Variants in UNC80 observed in about 807,000 individuals in gnomAD.
UNC80 encodes unc-80 subunit of NALCN channel complex.
A neutral mutation model predicts 384.6 loss-of-function variants in UNC80; 164 were observed. The ratio of observed to expected loss-of-function variants is 0.43; its 90% CI spans 0.38 to 0.49. UNC80 has a LOEUF of 0.49. Among genes scored for constraint, UNC80 ranks in the 20% least tolerant of loss-of-function variants. The probability of loss-of-function intolerance (pLI) is 0.00; values close to 1 mark genes in which losing one functional copy is unlikely to be tolerated. For synonymous variants in UNC80, 1,486 were observed against 1,527.8 expected, an observed-to-expected ratio of 0.97 and a Z score of 0.64; for missense variants, 3,330 against 4,143.0, an observed-to-expected ratio of 0.80 and a Z score of 5.39.
chr2:209,857,062 T>C (rs2082989224), intron 22 of UNC80, among the ~76,000 whole-genome samples: 1 of 152,070 alleles, frequency 6.6e-6, no homozygotes, highest in Non-Finnish European at 1.5e-5. Flanking sequence ...AGTGCTGGGA[T>C]TACAGGTGTA....
intron 18 of UNC80, among the ~76,000 whole-genome samples, chr2:209,837,306 A>G (rs896991272): frequency 6.6e-6 from 1 of 152,200 alleles, no homozygotes; most frequent in Admixed American, 6.5e-5. Flanking sequence ...TATTTTCTCT[A>G]CCTTGTACTT....
intron 33 of UNC80, among the ~76,000 whole-genome samples, chr2:209,921,042 G>A (rs2089998955): frequency 6.6e-6 from 1 of 152,142 alleles, no homozygotes; most frequent in African/African-American, 2.4e-5. Flanking sequence ...TGCTCAGGCT[G>A]GTCTCGAACT....
intron 7 of UNC80, among the ~76,000 whole-genome samples, chr2:209,801,864 C>T (rs529853336): frequency 6.6e-6 from 1 of 152,114 alleles, no homozygotes; most frequent in African/African-American, 2.4e-5. Flanking sequence ...CAAAATACTA[C>T]TATCTTGCGC....
intron 47 of UNC80, among the ~76,000 whole-genome samples, chr2:209,950,335 T>A (rs188349372): frequency 4.2e-4 from 64 of 151,006 alleles, no homozygotes; most frequent in African/African-American, 1.2e-3. Flanking sequence ...ATGCTTTTTT[T>A]AAAAAAAAAA....
chr2:209,778,832 G>A (rs2077007285), intron 4 of UNC80, among the ~76,000 whole-genome samples: 1 of 152,226 alleles, frequency 6.6e-6, no homozygotes, highest in South Asian at 2.1e-4. Flanking sequence ...GATCAAGTTA[G>A]CAGTGGTTCA....
At chr2:209,970,772 A>G (rs1211186269) in intron 53 of UNC80, 60 bp from the exon 54 acceptor site, 18 of 1,520,222 alleles carry the variant, frequency 1.2e-5, no homozygotes, top group Non-Finnish European at 1.6e-5. Flanking sequence ...AGACTCCTTT[A>G]CTACGGTTGC....
chr2:209,888,276 G>A lies in UNC80; in HGVS notation c.4276+16G>A, dbSNP rs1170532986. Reference sequence around the variant, plus strand: ...GAGAAGAAAGGTATGGAAACACAAAGGTTCCTTCATGTTTCAGGGTTTCTT... The same window carrying A: ...GAGAAGAAAGGTATGGAAACACAAAAGTTCCTTCATGTTTCAGGGTTTCTT... On this transcript the variant is annotated intron_variant, in intron 26 of 64. Transcript: ENST00000673920. 1.3e-6 allele frequency: 2 copies of A among 1,550,870 alleles called. No homozygotes were observed. Among genetic ancestry groups the A allele is most frequent in the African/African-American group, 2.7e-5 (2 of 72,984 alleles).
At chr2:209,774,201 C>T (rs1359825438) in intron 2 of UNC80, among the ~76,000 whole-genome samples, 3 of 152,334 alleles carry the variant, frequency 2.0e-5, no homozygotes, top group Admixed American at 6.5e-5. Flanking sequence ...CATGCCCACT[C>T]ACGTAGGAAT....
At position 209,793,743 on chromosome 2, in the gene UNC80, A is replaced by T; in HGVS notation, c.822A>T (p.Thr274=). The stretch of plus-strand genomic sequence containing the variant: ...AGGGACTCCAGGTGGTTTGTGAAAC[A>T]TTCCAGTCTGATTCCATCTCACCCA... The part of the protein sequence containing the change: ...HLEGLQVVCE[T]FQSDSISPKA... The change falls in exon 7 of 65, where the codon ACA becomes ACT. Residue 274 remains threonine, a synonymous_variant. Coordinates refer to ENST00000673920, the MANE Select transcript of UNC80 (RefSeq NM_001371986.1). 3.1e-6 allele frequency: 5 copies of T among 1,614,106 alleles called. No homozygotes were observed. The highest frequency in any genetic ancestry group is 4.2e-6 in the Non-Finnish European group (5 of 1,179,960).
chr2:209,871,313 T>C (rs12328866), intron 22 of UNC80, among the ~76,000 whole-genome samples: 26,867 of 152,100 alleles, frequency 0.18, 3,327 homozygotes, highest in African/African-American at 0.35. Context: ...GGGTTGAATT[T>C]TATGTTCCTA....
chr2:209,839,148 G>A lies in UNC80; in HGVS notation c.3042-74G>A. The A allele has an allele frequency of 7.4e-7, 1 of 1,349,878 alleles. No individual in the cohort carries two copies. The highest frequency in any genetic ancestry group is 1.4e-5 in the African/African-American group (1 of 69,070). The allele number at this position is 1,349,878 out of a possible 1,614,324, so 83.6% of individuals were successfully genotyped here. On this transcript the variant is annotated intron_variant, in intron 18 of 64. Coordinates refer to ENST00000673920, the MANE Select transcript of UNC80 (RefSeq NM_001371986.1). This position sits in a 1 kb window ranked among gnomAD's most constrained non-coding sequence, Gnocchi z 4.1. Reference sequence around the variant, plus strand: ...ATGATTTGCCTAAATATCATTGACAGGAAGATGAAAGAAATTTAGGAGAAT... The same window carrying A: ...ATGATTTGCCTAAATATCATTGACAAGAAGATGAAAGAAATTTAGGAGAAT...
chr2:209,903,756 T>C (rs1340497388), intron 28 of UNC80, among the ~76,000 whole-genome samples: 1 of 148,864 alleles, frequency 6.7e-6, no homozygotes, highest in Non-Finnish European at 1.5e-5. Context: ...ACAATACACA[T>C]TTATTAGCTT....
intron 7 of UNC80, among the ~76,000 whole-genome samples, chr2:209,812,893 T>C (rs865788803): frequency 6.6e-6 from 1 of 152,188 alleles, no homozygotes; most frequent in African/African-American, 2.4e-5. Flanking sequence ...TGTGTTCAAA[T>C]TGAATAATAG....
chr2:209,835,803 CAG>C lies in UNC80; in HGVS notation c.3041+794_3041+795del, dbSNP rs574585819. ...TATTATGGTATCCTTTCTTCACAGTCAGGGAAATCAAAGTGAGAAGCACACAG... is the reference window on the plus strand; with the variant it reads ...TATTATGGTATCCTTTCTTCACAGTCGGAAATCAAAGTGAGAAGCACACAG... On this transcript the variant is annotated intron_variant, in intron 18 of 64. Coordinates refer to ENST00000673920, the MANE Select transcript of UNC80 (RefSeq NM_001371986.1). Among the ~76,000 whole-genome samples, 6 of 152,294 alleles carry C rather than the reference CAG, an allele frequency of 3.9e-5. No homozygotes were observed. In the South Asian group the frequency reaches 1.0e-3, roughly 26 times the overall value.
In UNC80 at chr2:209,939,511, T is replaced by G. The variant is rs374686433; in HGVS notation, c.6505T>G (p.Phe2169Val). ...GCTGGAAGAAGTAGGGCGGGTGTTGTTTCTCATCTCCCTAACCCAGAAGAT... is the reference window on the plus strand; with the variant it reads ...GCTGGAAGAAGTAGGGCGGGTGTTGGTTCTCATCTCCCTAACCCAGAAGAT... Reference protein sequence around the residue: ...RKLEEVGRVLFLISLTQKIPT... With the variant: ...RKLEEVGRVLVLISLTQKIPT... The change falls in exon 43 of 65, where the codon TTT becomes GTT. Residue 2169 changes from phenylalanine (F) to valine (V), a missense_variant. Transcript: ENST00000673920. The G allele has an allele frequency of 6.4e-7, 1 of 1,551,448 alleles. No individual in the cohort carries two copies. Among genetic ancestry groups the G allele is most frequent in the Non-Finnish European group, 8.7e-7 (1 of 1,146,818 alleles).
intron 47 of UNC80, among the ~76,000 whole-genome samples, chr2:209,952,743 T>C (rs1482385819): frequency 6.6e-6 from 1 of 152,194 alleles, no homozygotes; most frequent in Non-Finnish European, 1.5e-5. Flanking sequence ...TTTAAAAATT[T>C]TGTCCACCCT....
chr2:209,777,410 C>G lies in UNC80; in HGVS notation c.451C>G (p.Gln151Glu). 6.2e-7 allele frequency: 1 copy of G among 1,614,198 alleles called. No individual in the cohort carries two copies. Among genetic ancestry groups the G allele is most frequent in the Non-Finnish European group, 8.5e-7 (1 of 1,180,032 alleles). ...WGGSSSAFIH[Q>E]VENQGSPGQP... The stretch of plus-strand genomic sequence containing the variant: ...TGGAAGCAGCAGTGCTTTCATCCAC[C>G]AGGTTGAAAACCAGGGTTCTCCAGG... Residue 151 changes from glutamine (Q) to glutamate (E), a missense_variant, in exon 4 of 65, where the codon CAG (glutamine) becomes GAG (glutamate). Around this residue, in one of 8 missense-constraint regions of UNC80, gnomAD observed 937 missense variants for 1,026.8 expected, o/e 0.91. Coordinates refer to ENST00000673920, the MANE Select transcript of UNC80 (RefSeq NM_001371986.1).
chr2:209,948,318 A>G (rs768991095), intron 47 of UNC80, among the ~76,000 whole-genome samples: 23 of 152,152 alleles, frequency 1.5e-4, no homozygotes, highest in African/African-American at 5.5e-4. Context: ...CTAGTACCCT[A>G]TGGCCTCATC....
chr2:209,941,541 A>G, intron 44 of UNC80, 52 bp downstream of exon 44: 1 of 1,442,498 alleles, frequency 6.9e-7, no homozygotes, highest in Non-Finnish European at 9.2e-7. Context: ...TACTGCTCAT[A>G]TCTAGCCGTT....
Sources: gnomAD v4.1 joint callset for allele counts (sites outside exome capture counted in the v4.1 genomes callset) on GRCh38, gnomAD v4.1.1 for gene constraint, gnomAD v4.1.1 regional missense constraint, Gnocchi (gnomAD v3.1) non-coding constraint, MANE v1.5 for transcripts, NCBI Gene and HGNC (gene_info 2026-07-23, HGNC 2026-07-21) for gene names.